Variants in EBLN1 observed in about 807,000 individuals in gnomAD.
EBLN1 encodes endogenous Bornavirus like nucleoprotein 1.
In EBLN1, 1 loss-of-function variant was observed where a neutral mutation model predicts 0.8. That is an observed-to-expected ratio of 1.32 (90% confidence interval 0.47 to 6.26). The LOEUF (loss-of-function observed/expected upper bound fraction) is 6.26, where lower values mean the gene tolerates loss of function less well. Among genes scored for constraint, EBLN1 ranks in the 30% most tolerant of loss-of-function variants. The probability of loss-of-function intolerance (pLI) is 0.15; values close to 1 mark genes in which losing one functional copy is unlikely to be tolerated. For missense variants in EBLN1, 396 were observed against 447.9 expected, an observed-to-expected ratio of 0.88 and a Z score of 1.05; for synonymous variants, 158 against 158.5, an observed-to-expected ratio of 1.00 and a Z score of 0.02.
At chr10:22,214,166 A>G (rs1485661670) in intron 1 of EBLN1, among the ~76,000 whole-genome samples, 1 of 152,174 alleles carries the variant, frequency 6.6e-6, no homozygotes, top group Non-Finnish European at 1.5e-5. Context: ...TATACCATCC[A>G]CCCAAATAAC....
intron 2 of EBLN1, among the ~76,000 whole-genome samples, chr10:22,212,636 C>T (rs915154431): frequency 3.9e-5 from 6 of 151,998 alleles, no homozygotes; most frequent in Non-Finnish European, 7.4e-5. Flanking sequence ...TATACACATA[C>T]TCTGAGTTTA....
intron 2 of EBLN1, among the ~76,000 whole-genome samples, chr10:22,211,927 T>G (rs1438036615): frequency 6.6e-5 from 10 of 152,200 alleles, no homozygotes; most frequent in Non-Finnish European, 1.5e-4. Flanking sequence ...TGTCCCTTCT[T>G]AATCCCATGT....
chr10:22,209,504 T>C lies in EBLN1; in HGVS notation c.480A>G (p.Gln160=), dbSNP rs752623320. 1 of 1,589,296 alleles carries C rather than the reference T, an allele frequency of 6.3e-7. No homozygotes were observed. The highest frequency in any genetic ancestry group is 1.1e-5 in the South Asian group (1 of 89,888). Reference sequence around the variant, plus strand: ...TCATTGCCTTGAATTGTCTCTGTACTTGGAGGCTGTTGGTGCATATCGGGT... The same window carrying C: ...TCATTGCCTTGAATTGTCTCTGTACCTGGAGGCTGTTGGTGCATATCGGGT... ...SSDPICTNSL[Q]VQRQFKAMMI... Residue 160 remains glutamine, a synonymous_variant, in exon 3 of 3, where the codon CAA becomes CAG. Transcript: ENST00000422359.
At chr10:22,212,631 A>C in intron 2 of EBLN1, among the ~76,000 whole-genome samples, 1 of 152,172 alleles carries the variant, frequency 6.6e-6, no homozygotes, top group East Asian at 1.9e-4. Flanking sequence ...GTCTTTATAC[A>C]CATACTCTGA....
At chr10:22,216,501 T>C (rs1177886161) in intron 1 of EBLN1, among the ~76,000 whole-genome samples, 5 of 152,170 alleles carry the variant, frequency 3.3e-5, no homozygotes, top group African/African-American at 1.2e-4. Flanking sequence ...ACAAGCTACT[T>C]GCATCAAAAT....
At chr10:22,216,809 G>A (rs139573984) in intron 1 of EBLN1, among the ~76,000 whole-genome samples, 2 of 152,328 alleles carry the variant, frequency 1.3e-5, no homozygotes, top group Admixed American at 6.5e-5. Flanking sequence ...AACACTGGAA[G>A]TTTAATCAAG....
chr10:22,215,684 T>G (rs952922776), intron 1 of EBLN1, among the ~76,000 whole-genome samples: 1 of 152,136 alleles, frequency 6.6e-6, no homozygotes, highest in African/African-American at 2.4e-5. Context: ...TCTGCCTCAG[T>G]GGTGTAGCTT....
In EBLN1 at chr10:22,209,636, G is replaced by T; in HGVS notation, c.348C>A (p.Leu116=). The T allele has an allele frequency of 6.5e-7, 1 of 1,535,766 alleles. No homozygotes were observed. Among genetic ancestry groups the T allele is most frequent in the Non-Finnish European group, 8.7e-7 (1 of 1,146,876 alleles). Residue 116 remains leucine (L), a synonymous_variant, in exon 3 of 3, where the codon CTC becomes CTA. Coordinates refer to ENST00000422359, the MANE Select transcript of EBLN1 (RefSeq NM_001394757.1). ...IGNENKETGT[L]YASKFEDVLP... ...AAACATCTTCAAATTTGCTAGCATA[G>T]AGAGTACCTGTTTCCTTGTTCTCAT...
At chr10:22,212,478 G>C (rs1204643487) in intron 2 of EBLN1, among the ~76,000 whole-genome samples, 1 of 152,100 alleles carries the variant, frequency 6.6e-6, no homozygotes, top group East Asian at 1.9e-4. Context: ...TCCCTAGTGA[G>C]ACTCTTTAAA....
chr10:22,211,176 T>C (rs1006547631), intron 2 of EBLN1, among the ~76,000 whole-genome samples: 5 of 152,212 alleles, frequency 3.3e-5, no homozygotes, highest in African/African-American at 9.6e-5. Context: ...TTATTATGTT[T>C]TGTCATGTTC....
At chr10:22,216,825 C>T (rs533236504) in intron 1 of EBLN1, among the ~76,000 whole-genome samples, 1 of 152,254 alleles carries the variant, frequency 6.6e-6, no homozygotes, top group South Asian at 2.1e-4. Context: ...TCAAGAATCA[C>T]GAGTACTTCT....
rs535298696 is a variant in EBLN1 at position 22,209,687 on chromosome 10, G to A, written c.297C>T (p.Ser99=). The A allele has an allele frequency of 1.2e-5, 19 of 1,535,786 alleles. No homozygotes were observed. The Admixed American group carries it at 2.9e-4, about 24-fold the overall frequency. ...LHKALLSVGV[S]KRSNIVIGNE... is the part of the protein sequence containing the mutation. ...TCCCAATCACAATATTAGACCTTTT[G>A]CTCACACCGACACTGAGTAGTGCCT... The change falls in exon 3 of 3, where the codon AGC becomes AGT. Residue 99 remains serine, a synonymous_variant. Coordinates refer to ENST00000422359, the MANE Select transcript of EBLN1 (RefSeq NM_001394757.1).
At chr10:22,212,798 G>GT (rs11379497) in intron 2 of EBLN1, among the ~76,000 whole-genome samples, 44 bp downstream of exon 2, 132 of 128,698 alleles carry the variant, frequency 1.0e-3, no homozygotes, top group South Asian at 4.4e-3. Flanking sequence ...AAAAAAAAAA[G>GT]TTGTGTTTTT....
intron 1 of EBLN1, among the ~76,000 whole-genome samples, chr10:22,214,010 T>C (rs1463927517): frequency 6.6e-6 from 1 of 151,632 alleles, no homozygotes; most frequent in East Asian, 1.9e-4. Flanking sequence ...AAAACAGACA[T>C]CAGAACATGT....
chr10:22,209,139 C>G lies in EBLN1; in HGVS notation c.845G>C (p.Gly282Ala). 1 of 1,535,974 alleles carries G rather than the reference C, an allele frequency of 6.5e-7. No homozygotes were observed. The highest frequency in any genetic ancestry group is 8.7e-7 in the Non-Finnish European group (1 of 1,146,918). Reference protein sequence around the residue: ...KKVLGDFFEFGGVLRHPVIGV... With the variant: ...KKVLGDFFEFAGVLRHPVIGV... ...AATAACAGGGTGGCGAAGTACACCC[C>G]CAAATTCAAAGAAATCTCCAAGTAC... Residue 282 changes from glycine (G) to alanine (A), a missense_variant, in exon 3 of 3, where the codon GGG becomes GCG. Gly to Ala is a moderately conservative substitution (Grantham distance 60, BLOSUM62 0). Coordinates refer to ENST00000422359, the MANE Select transcript of EBLN1 (RefSeq NM_001394757.1).
At chr10:22,213,844 A>G (rs898595964) in intron 1 of EBLN1, among the ~76,000 whole-genome samples, 1 of 152,216 alleles carries the variant, frequency 6.6e-6, no homozygotes, top group African/African-American at 2.4e-5. Context: ...TTTGGAAAAA[A>G]ATGAGAGTCA....
chr10:22,209,902 C>T lies in EBLN1; in HGVS notation c.82G>A (p.Gly28Arg). ...KDGSSFHYFQGRFELSGKSRQ... is the reference protein window; with the variant it reads ...KDGSSFHYFQRRFELSGKSRQ... ...CTCTTCCCAGAGAGCTCAAATCTCC[C>T]TTGAAAGTAATGGAAGCTGCTCCCA... The change falls in exon 3 of 3, where the codon GGG becomes AGG. Residue 28 changes from glycine to arginine, a missense_variant. Coordinates refer to ENST00000422359, the MANE Select transcript of EBLN1 (RefSeq NM_001394757.1). 2.7e-6 allele frequency: 4 copies of T among 1,485,890 alleles called. No homozygotes were observed. Among genetic ancestry groups the T allele is most frequent in the Non-Finnish European group, 3.6e-6 (4 of 1,125,786 alleles). The allele number at this position is 1,485,890 out of a possible 1,614,324, so 92.0% of individuals were successfully genotyped here.
Position 22,209,952 on chromosome 10 carries a change from C to A in EBLN1, c.32G>T (p.Ser11Ile). 3.5e-6 allele frequency: 5 copies of A among 1,431,312 alleles called. No individual in the cohort carries two copies. Among genetic ancestry groups the A allele is most frequent in the Non-Finnish European group, 4.6e-6 (5 of 1,097,310 alleles). 88.7% of individuals were successfully genotyped at this position (1,431,312 alleles called of 1,614,324 possible). ...ATCCTTTGTACTGTCTTGTGGGCTG[C>A]TGGTCTGTGGGTTGTTTCTTGGGCG... is the stretch of plus-strand genomic sequence containing the variant. The part of the protein sequence containing the change: MSRPRNNPQT[S>I]SPQDSTKDGS... The change falls in exon 3 of 3, where the codon AGC becomes ATC. Residue 11 changes from serine to isoleucine, a missense_variant. Transcript: ENST00000422359.
intron 2 of EBLN1, among the ~76,000 whole-genome samples, chr10:22,210,834 A>C (rs1213182310): frequency 6.6e-6 from 1 of 152,176 alleles, no homozygotes; most frequent in Admixed American, 6.5e-5. Context: ...TGCTGCCCAG[A>C]GCAACTGGAG....
Sources: gnomAD v4.1 joint callset for allele counts (sites outside exome capture counted in the v4.1 genomes callset) on GRCh38, gnomAD v4.1.1 for gene constraint, MANE v1.5 for transcripts, NCBI Gene and HGNC (gene_info 2026-07-23, HGNC 2026-07-21) for gene names.